Variants in USH2A observed in about 807,000 individuals in gnomAD.
The protein encoded by USH2A is Usher syndrome 2A (autosomal recessive, mild).
In USH2A, 443 loss-of-function variants were observed where a neutral mutation model predicts 538.9. The ratio of observed to expected loss-of-function variants is 0.82; its 90% confidence interval spans 0.76 to 0.89. The LOEUF is 0.89. USH2A is among the 40% of genes least tolerant of loss of function. The pLI, the probability that USH2A is intolerant of heterozygous loss-of-function variation, is 0.00. For synonymous variants in USH2A, 2,413 were observed against 2,273.5 expected (o/e 1.06, Z -1.75); for missense variants, 6,633 against 6,324.8 (o/e 1.05, Z -1.65).
intron 21 of USH2A, among the ~76,000 whole-genome samples, chr1:216,143,687 T>C (rs1370073701): frequency 6.6e-6 from 1 of 152,204 alleles, no homozygotes; most frequent in Non-Finnish European, 1.5e-5. Flanking sequence ...ACACGAAAGT[T>C]TCTGGAAACT....
At chr1:216,353,085 G>A (rs958342207) in intron 4 of USH2A, among the ~76,000 whole-genome samples, 4 of 151,902 alleles carry the variant, frequency 2.6e-5, no homozygotes, top group Non-Finnish European at 4.4e-5. Context: ...AAGAAAAAAC[G>A]GCAGGGAAGT....
intron 14 of USH2A, among the ~76,000 whole-genome samples, 175 bp downstream of exon 14, chr1:216,231,778 C>A (rs2035699453): frequency 6.6e-6 from 1 of 152,060 alleles, no homozygotes; most frequent in Non-Finnish European, 1.5e-5. Flanking sequence ...GACCTCTTGA[C>A]CTCGGACCTC....
rs76863578 is a variant in USH2A, at chr1:215,902,822, T to C, written c.7301-1917A>G. On this transcript the variant is annotated intron_variant, in intron 38 of 71. Transcript: ENST00000307340. Reference sequence around the variant, plus strand: ...GGCAGTAAGGAGGAAAACATTCTGGTTGTGTTTAAGGAACAGTGTGGCTAA... The same window carrying C: ...GGCAGTAAGGAGGAAAACATTCTGGCTGTGTTTAAGGAACAGTGTGGCTAA... Among the ~76,000 whole-genome samples the C allele has an allele frequency of 3.2e-3, 493 of 152,182 alleles. 17 individuals carry two copies. The East Asian group carries it at 0.062, about 19-fold the overall frequency.
chr1:216,084,909 T>A (rs72746307), intron 24 of USH2A, 32 bp from the exon 25 acceptor site: 1 of 1,601,506 alleles, frequency 6.2e-7, no homozygotes, highest in Non-Finnish European at 8.5e-7. Context: ...AAGAAATATA[T>A]ATTTTGAAAG....
At chr1:216,093,395 G>A (rs1390852317) in intron 22 of USH2A, among the ~76,000 whole-genome samples, 1 of 152,062 alleles carries the variant, frequency 6.6e-6, no homozygotes, top group Non-Finnish European at 1.5e-5. Flanking sequence ...GCAATTGTGT[G>A]AATGAGAAGG....
Position 215,888,729 on chromosome 1 carries a change from C to T in USH2A, c.7920G>A (p.Val2640=). Reference sequence around the variant, plus strand: ...GGGTAGGGGGTTGCCAAGATATAATCACAGATGTTGGAGTATCAGAGAACA... The same window carrying T: ...GGGTAGGGGGTTGCCAAGATATAATTACAGATGTTGGAGTATCAGAGAACA... The part of the protein sequence containing the change: ...PELFSDTPTS[V]IISWQPPTHP... The change falls in exon 41 of 72, where the codon GTG becomes GTA. Residue 2640 remains valine (V), a synonymous_variant. Coordinates refer to ENST00000307340, the MANE Select transcript of USH2A (RefSeq NM_206933.4). 6.2e-7 allele frequency: 1 copy of T among 1,614,124 alleles called. No homozygotes were observed. The highest frequency in any genetic ancestry group is 8.5e-7 in the Non-Finnish European group (1 of 1,180,012).
intron 40 of USH2A, 57 bp downstream of exon 40, chr1:215,900,018 A>T (rs1665446644): frequency 6.2e-7 from 1 of 1,609,892 alleles, no homozygotes; most frequent in East Asian, 2.2e-5. Flanking sequence ...AAAATTGAAG[A>T]CATTTTAAGC....
At position 215,680,314 on chromosome 1, in the gene USH2A, A is replaced by G. The variant is rs2102671838; in HGVS notation, c.12129T>C (p.Val4043=). The change falls in exon 62 of 72, where the codon GTT becomes GTC. Residue 4043 remains valine (V), a synonymous_variant. Coordinates refer to ENST00000307340, the MANE Select transcript of USH2A (RefSeq NM_206933.4). Reference sequence around the variant, plus strand: ...TTTCTCCTGCATGGTTTGCAGCCACAACACCAATGCGATATGTTGTGAATG... The same window carrying G: ...TTTCTCCTGCATGGTTTGCAGCCACGACACCAATGCGATATGTTGTGAATG... ...LEPFTTYRIG[V]VAANHAGEIL... 6.2e-7 allele frequency: 1 copy of G among 1,614,130 alleles called. No homozygotes were observed. Among genetic ancestry groups the G allele is most frequent in the Non-Finnish European group, 8.5e-7 (1 of 1,180,002 alleles).
chr1:216,059,156 T>G (rs1343795007), intron 30 of USH2A, among the ~76,000 whole-genome samples: 2 of 152,196 alleles, frequency 1.3e-5, no homozygotes, highest in Admixed American at 1.3e-4. Context: ...ATATAATATA[T>G]GAACGTACAT....
intron 16 of USH2A, among the ~76,000 whole-genome samples, chr1:216,201,006 TC>T (rs2034982461): frequency 3.9e-5 from 2 of 50,910 alleles, no homozygotes; most frequent in East Asian, 7.6e-4. Flanking sequence ...CCTCCCTCCC[TC>T]CCTCCCTTCC....
At chr1:215,946,515 G>C (rs1414293061) in intron 37 of USH2A, among the ~76,000 whole-genome samples, 1 of 152,176 alleles carries the variant, frequency 6.6e-6, no homozygotes, top group Non-Finnish European at 1.5e-5. Context: ...GAGCCAACCA[G>C]CCGAGCAGCT....
At chr1:215,919,974 CTT>C (rs1491527084) in intron 38 of USH2A, among the ~76,000 whole-genome samples, 1 of 151,994 alleles carries the variant, frequency 6.6e-6, no homozygotes, top group Non-Finnish European at 1.5e-5. Flanking sequence ...CTCTCTCTCT[CTT>C]AACTAAAACT....
At chr1:216,345,888 T>G (rs925345837) in intron 4 of USH2A, among the ~76,000 whole-genome samples, 1 of 152,104 alleles carries the variant, frequency 6.6e-6, no homozygotes. Context: ...CAAAATTATC[T>G]TGAGCATTTA....
At chr1:216,322,075 A>T in intron 8 of USH2A, 99 bp from the exon 9 acceptor site, 1 of 1,134,130 alleles carries the variant, frequency 8.8e-7, no homozygotes, top group Non-Finnish European at 1.3e-6. Context: ...TTTAACAGGG[A>T]AGATTTTTGT....
At chr1:215,745,866 C>A (rs1571644294) in intron 58 of USH2A, among the ~76,000 whole-genome samples, 1 of 152,110 alleles carries the variant, frequency 6.6e-6, no homozygotes, top group Non-Finnish European at 1.5e-5. Context: ...TTCTTGGAGA[C>A]TATTCCGAAG....
At chr1:216,333,036 C>G (rs1302758280) in intron 4 of USH2A, among the ~76,000 whole-genome samples, 3 of 152,044 alleles carry the variant, frequency 2.0e-5, no homozygotes, top group Non-Finnish European at 4.4e-5. Flanking sequence ...GACTTTAAAT[C>G]AACTATTTTA....
In USH2A at chr1:216,267,004, T is replaced by C. The variant is rs548139406; in HGVS notation, c.1972-15906A>G. On this transcript the variant is annotated intron_variant, in intron 11 of 71. Coordinates refer to ENST00000307340, the MANE Select transcript of USH2A (RefSeq NM_206933.4). ...TATGATTGTGAAATTCATTTGAGTA[T>C]TGTCTGTGTATAATTGGTATTTGAA... Among the ~76,000 whole-genome samples, 17 of 152,066 alleles carry C rather than the reference T, an allele frequency of 1.1e-4. No individual in the cohort carries two copies. The East Asian group carries it at 2.9e-3, about 26-fold the overall frequency.
chr1:215,963,966 T>C (rs112365375), intron 37 of USH2A, among the ~76,000 whole-genome samples: 1,891 of 152,264 alleles, frequency 0.012, 34 homozygotes, highest in African/African-American at 0.042. Flanking sequence ...GAATACATTT[T>C]CTACAAGGGC....
chr1:215,670,211 C>G (rs1571944835), intron 64 of USH2A, among the ~76,000 whole-genome samples: 1 of 152,276 alleles, frequency 6.6e-6, no homozygotes, highest in East Asian at 1.9e-4. Context: ...AGATCAAGCC[C>G]CAGGCAAATC....
Sources: allele counts gnomAD v4.1 joint callset (sites outside exome capture counted in the v4.1 genomes callset), GRCh38; gene constraint gnomAD v4.1.1; transcripts MANE v1.5; gene names NCBI Gene and HGNC (gene_info 2026-07-23, HGNC 2026-07-21).